The following TEX2 variants were observed in gnomAD, a reference collection of about 807,000 sequenced individuals.
TEX2 encodes testis-expressed protein 2.
Under a neutral mutation model 106.9 loss-of-function variants are expected in TEX2, and 53 were observed. The ratio of observed to expected loss-of-function variants is 0.50; its 90% confidence interval spans 0.40 to 0.62. The LOEUF (loss-of-function observed/expected upper bound fraction) is 0.62, where lower values mean the gene tolerates loss of function less well. TEX2 is among the 20% of genes least tolerant of loss of function. The probability of loss-of-function intolerance (pLI) is 0.00; values close to 1 mark genes in which losing one functional copy is unlikely to be tolerated. For missense variants in TEX2, 1,207 were observed against 1,379.0 expected, an observed-to-expected ratio of 0.88 and a Z score of 1.98; for synonymous variants, 523 against 534.8, an observed-to-expected ratio of 0.98 and a Z score of 0.30.
chr17:64,212,784 G>T lies in TEX2; in HGVS notation c.1434C>A (p.Phe478Leu). Residue 478 changes from phenylalanine (F) to leucine (L), a missense_variant, in exon 2 of 12, where the codon TTC (phenylalanine) becomes TTA (leucine). Physicochemically the swap from Phe to Leu is conservative, Grantham distance 22 (BLOSUM62 0). Transcript: ENST00000584379. ...HPELPVKTLGFFIMCVYVYLI... is the reference protein window; with the variant it reads ...HPELPVKTLGLFIMCVYVYLI... ...GGTACACATAGACACACATTATAAA[G>T]AAGCCCAACGTCTTCACTGGCAATT... 1 of 1,614,162 alleles carries T rather than the reference G, an allele frequency of 6.2e-7. No homozygotes were observed. The highest frequency in any genetic ancestry group is 8.5e-7 in the Non-Finnish European group (1 of 1,180,042).
chr17:64,229,188 G>A (rs546334569), intron 1 of TEX2, among the ~76,000 whole-genome samples: 29 of 152,244 alleles, frequency 1.9e-4, no homozygotes, highest in African/African-American at 6.3e-4. Flanking sequence ...TTCTGAAACT[G>A]TTTGCCAATT....
chr17:64,254,414 C>T (rs2034148439), intron 1 of TEX2, among the ~76,000 whole-genome samples: 1 of 152,158 alleles, frequency 6.6e-6, no homozygotes, highest in Non-Finnish European at 1.5e-5. Context: ...GTTTAATAAA[C>T]CCTGGAGCTA....
At chr17:64,177,537 T>C in intron 5 of TEX2, 66 bp from the exon 6 acceptor site, 5 of 1,559,350 alleles carry the variant, frequency 3.2e-6, no homozygotes, top group Non-Finnish European at 4.3e-6. Context: ...GTGCTTATTT[T>C]TATAAAGTCA....
intron 1 of TEX2, among the ~76,000 whole-genome samples, chr17:64,229,545 CTCTA>C (rs1485070867): frequency 3.1e-4 from 47 of 151,910 alleles, no homozygotes; most frequent in African/African-American, 9.6e-4. Flanking sequence ...TGTTGAAGCT[CTCTA>C]TCTTTTTCTT....
At chr17:64,259,599 T>C (rs140779892) in intron 1 of TEX2, among the ~76,000 whole-genome samples, 138 of 152,294 alleles carry the variant, frequency 9.1e-4, no homozygotes, top group Middle Eastern at 3.4e-3. Context: ...TCTAGGCAAA[T>C]TGGAAAATGT....
At chr17:64,154,438 C>T (rs1464461604) in intron 9 of TEX2, among the ~76,000 whole-genome samples, 1 of 152,196 alleles carries the variant, frequency 6.6e-6, no homozygotes, top group Non-Finnish European at 1.5e-5. Flanking sequence ...CAAAGAAAAT[C>T]ATCTGAATGT....
chr17:64,172,574 C>A lies in TEX2; in HGVS notation c.2572-1375G>T, dbSNP rs1023297303. Among the ~76,000 whole-genome samples, 48 of 152,150 alleles carry A rather than the reference C, an allele frequency of 3.2e-4. 1 individual carries two copies. Among genetic ancestry groups the A allele is most frequent in the African/African-American group, 1.1e-3 (45 of 41,508 alleles). On this transcript the variant is annotated intron_variant, in intron 6 of 11. Coordinates refer to ENST00000584379, the MANE Select transcript of TEX2 (RefSeq NM_001288732.2). ...AAGAGTGTTGGGCATTTGTCCCCCC[C>A]ATCTACTGAAGGCCACAGCTCCTGT... is the stretch of plus-strand genomic sequence containing the variant.
intron 5 of TEX2, among the ~76,000 whole-genome samples, chr17:64,184,870 C>T (rs1449539034): frequency 1.3e-5 from 2 of 152,210 alleles, no homozygotes; most frequent in Non-Finnish European, 2.9e-5. Context: ...TGTTTTAGCA[C>T]TCTTGTCTGA....
intron 5 of TEX2, among the ~76,000 whole-genome samples, chr17:64,179,247 G>A (rs1221856410): frequency 6.6e-6 from 1 of 152,150 alleles, no homozygotes; most frequent in African/African-American, 2.4e-5. Context: ...CCTATAAAAC[G>A]CACCAATCAG....
chr17:64,241,655 G>A (rs35891667), intron 1 of TEX2, among the ~76,000 whole-genome samples: 11,279 of 151,614 alleles, frequency 0.074, 515 homozygotes, highest in Non-Finnish European at 0.11. Context: ...TTTTTTAAAG[G>A]CAGGATCTCA....
chr17:64,152,977 G>A lies in TEX2; in HGVS notation c.3108C>T (p.Val1036=), dbSNP rs1170199593. 8 of 1,614,130 alleles carry A rather than the reference G, an allele frequency of 5.0e-6. No individual in the cohort carries two copies. The highest frequency in any genetic ancestry group is 6.8e-6 in the Non-Finnish European group (8 of 1,180,026). Residue 1036 remains valine (V), a synonymous_variant, in exon 10 of 12, where the codon GTC becomes GTT. Transcript: ENST00000584379. ...GGTCAGTCGGGGGTGGTGGAATGTT[G>A]ACCGCCAAGGTTCCTCTACATTCTT... ...EVQECRGTLA[V]NIPPPPTDRV... is the part of the protein sequence containing the mutation.
At chr17:64,222,399 T>C (rs1483046122) in intron 1 of TEX2, among the ~76,000 whole-genome samples, 1 of 151,204 alleles carries the variant, frequency 6.6e-6, no homozygotes, top group East Asian at 1.9e-4. Context: ...GCACCTGTAA[T>C]CCCAGTTACT....
intron 1 of TEX2, among the ~76,000 whole-genome samples, chr17:64,253,086 C>T (rs2034121495): frequency 6.6e-6 from 1 of 152,172 alleles, no homozygotes; most frequent in Non-Finnish European, 1.5e-5. Context: ...TTTTATCCCA[C>T]AGGCAACAAA....
At chr17:64,219,326 CA>C (rs1317380736) in intron 1 of TEX2, among the ~76,000 whole-genome samples, 5 of 151,788 alleles carry the variant, frequency 3.3e-5, no homozygotes, top group Admixed American at 6.6e-5. Flanking sequence ...GCCAACATGG[CA>C]AAACCTCATC....
chr17:64,212,118 C>T (rs1386478874), intron 2 of TEX2, among the ~76,000 whole-genome samples: 1 of 152,186 alleles, frequency 6.6e-6, no homozygotes, highest in Non-Finnish European at 1.5e-5. Context: ...CATTCCCCAC[C>T]GTGCAAAGGA....
At chr17:64,218,672 C>CT (rs557750983) in intron 1 of TEX2, among the ~76,000 whole-genome samples, 171 of 152,286 alleles carry the variant, frequency 1.1e-3, no homozygotes, top group African/African-American at 3.6e-3. Context: ...CAATCTTGGC[C>CT]TCCCAAAGTG....
chr17:64,242,510 A>C (rs1257615696), intron 1 of TEX2: 1 of 152,188 alleles, frequency 6.6e-6, no homozygotes, highest in Non-Finnish European at 1.5e-5. Flanking sequence ...GATCATACAA[A>C]TAAAGGCTCC....
chr17:64,172,969 T>C (rs768679167), intron 6 of TEX2, among the ~76,000 whole-genome samples: 2 of 152,252 alleles, frequency 1.3e-5, no homozygotes, highest in Non-Finnish European at 2.9e-5. Context: ...TGGATGTATA[T>C]GTATTTCTTA....
intron 5 of TEX2, among the ~76,000 whole-genome samples, chr17:64,180,631 A>G (rs2031816425): frequency 1.3e-5 from 2 of 152,268 alleles, no homozygotes; most frequent in Non-Finnish European, 2.9e-5. Context: ...ATTTGGCTAT[A>G]GGATGAAATG....
Sources: gnomAD v4.1 joint callset for allele counts (sites outside exome capture counted in the v4.1 genomes callset) on GRCh38, gnomAD v4.1.1 for gene constraint, MANE v1.5 for transcripts, NCBI Gene and HGNC (gene_info 2026-07-23, HGNC 2026-07-21) for gene names.